The following ACADL variants were observed in gnomAD, a reference collection of about 807,000 sequenced individuals.
ACADL encodes the protein acyl-CoA dehydrogenase long chain, also known as long-chain specific acyl-CoA dehydrogenase, mitochondrial.
ACADL carries 60 observed loss-of-function variants against 56.9 expected under a neutral mutation model. The observed-to-expected ratio is 1.05, with a 90% confidence interval of 0.86 to 1.31. The LOEUF is 1.31. Ranked by LOEUF, ACADL falls within the 50% of genes most tolerant of loss-of-function variation. ACADL has a pLI of 0.00. For synonymous variants in ACADL, 158 were observed against 179.7 expected (o/e 0.88, Z 0.97); for missense variants, 484 against 525.5 (o/e 0.92, Z 0.77).
chr2:210,224,795 G>C, intron 1 of ACADL: 1 of 996,908 alleles, frequency 1.0e-6, no homozygotes, highest in South Asian at 4.6e-5. Context: ...GACACAGATC[G>C]CAGCCCGCGC....
intron 8 of ACADL, among the ~76,000 whole-genome samples, chr2:210,196,284 T>A (rs1688709778): frequency 6.6e-6 from 1 of 151,232 alleles, no homozygotes; most frequent in Non-Finnish European, 1.5e-5. Context: ...TTTAATAAAT[T>A]ACCCAGTCTC....
At chr2:210,218,736 T>A (rs1470654768) in intron 2 of ACADL, among the ~76,000 whole-genome samples, 1 of 152,196 alleles carries the variant, frequency 6.6e-6, no homozygotes, top group Non-Finnish European at 1.5e-5. Context: ...TCATGGGAAT[T>A]TGCCTAACCT....
intron 3 of ACADL, 92 bp downstream of exon 3, chr2:210,217,873 A>G (rs1689112987): frequency 4.0e-6 from 6 of 1,483,746 alleles, no homozygotes; most frequent in Admixed American, 3.4e-5. Context: ...ATTAGAAAAC[A>G]TTTGTTTGTT....
At chr2:210,216,765 A>G (rs1689094093) in intron 3 of ACADL, 1 of 426,890 alleles carries the variant, frequency 2.3e-6, no homozygotes, top group Admixed American at 3.5e-5. Context: ...TAAAATATGA[A>G]TCACCTGCAG....
chr2:210,216,298 G>C, intron 4 of ACADL, 49 bp downstream of exon 4: 1 of 1,601,356 alleles, frequency 6.2e-7, no homozygotes, highest in Non-Finnish European at 8.5e-7. Flanking sequence ...CTAAGAAAAT[G>C]TTAAGGCACT....
chr2:210,196,520 G>A (rs1295308388), intron 8 of ACADL, among the ~76,000 whole-genome samples: 3 of 152,102 alleles, frequency 2.0e-5, no homozygotes, highest in Non-Finnish European at 4.4e-5. Flanking sequence ...CTTCAATCAA[G>A]CTTTATTTCA....
At chr2:210,206,433 G>GA (rs951068710) in intron 5 of ACADL, among the ~76,000 whole-genome samples, 2 of 151,354 alleles carry the variant, frequency 1.3e-5, no homozygotes, top group African/African-American at 2.4e-5. Flanking sequence ...CCTGTCTCTA[G>GA]AAAAAAAGAA....
chr2:210,217,783 A>G (rs1689111257), intron 3 of ACADL, 182 bp downstream of exon 3: 5 of 700,914 alleles, frequency 7.1e-6, no homozygotes, highest in Non-Finnish European at 1.2e-5. Context: ...TTTTCTTATT[A>G]TCCCACATTC....
At chr2:210,210,973 A>AT (rs1417252517) in intron 4 of ACADL, among the ~76,000 whole-genome samples, 2 of 152,030 alleles carry the variant, frequency 1.3e-5, no homozygotes, top group East Asian at 1.9e-4. Flanking sequence ...CTCAAATGCC[A>AT]TTTTTTTCTA....
At chr2:210,189,681 C>T (rs1688601105) in intron 10 of ACADL, among the ~76,000 whole-genome samples, 1 of 151,990 alleles carries the variant, frequency 6.6e-6, no homozygotes, top group African/African-American at 2.4e-5. Context: ...ACCCAAATAT[C>T]ATAAGTTCAC....
At chr2:210,210,378 G>T in intron 4 of ACADL, 116 bp from the exon 5 acceptor site, 1 of 753,964 alleles carries the variant, frequency 1.3e-6, no homozygotes, top group Non-Finnish European at 2.2e-6. Context: ...TTATAAAATT[G>T]CTGAGTATTA....
chr2:210,212,744 A>G (rs1689006305), intron 4 of ACADL, among the ~76,000 whole-genome samples: 1 of 152,248 alleles, frequency 6.6e-6, no homozygotes, highest in South Asian at 2.1e-4. Flanking sequence ...TGGTGTATCA[A>G]GATCATATTT....
Position 210,188,874 on chromosome 2 carries a change from G to A in ACADL, c.*87C>T. The stretch of plus-strand genomic sequence containing the variant: ...GAGAGCAGGTAAAAACATGTTTAGT[G>A]TTTCCTCGCTTTCCAAGTTACATTT... On this transcript the variant is annotated 3_prime_UTR_variant, in exon 11 of 11. Coordinates refer to ENST00000233710, the MANE Select transcript of ACADL (RefSeq NM_001608.4). The A allele has an allele frequency of 2.1e-6, 2 of 945,694 alleles. No individual in the cohort carries two copies. The allele number at this position is 945,694 out of a possible 1,614,324, so 58.6% of individuals were successfully genotyped here.
intron 10 of ACADL, among the ~76,000 whole-genome samples, chr2:210,190,065 G>C (rs999299322): frequency 6.6e-6 from 1 of 150,988 alleles, no homozygotes; most frequent in Non-Finnish European, 1.5e-5. Flanking sequence ...TTGGTGTTTT[G>C]TTTTGTTTAA....
intron 8 of ACADL, among the ~76,000 whole-genome samples, chr2:210,196,416 G>A (rs1688711968): frequency 6.6e-6 from 1 of 152,030 alleles, no homozygotes; most frequent in Non-Finnish European, 1.5e-5. Flanking sequence ...ATATAGCTAT[G>A]TACCTACCTC....
At chr2:210,216,209 G>C (rs550066070) in intron 4 of ACADL, 138 bp downstream of exon 4, 1 of 893,476 alleles carries the variant, frequency 1.1e-6, no homozygotes, top group African/African-American at 1.7e-5. Context: ...GTTATTTTCC[G>C]ACTTGAGGTC....
chr2:210,190,524 A>G (rs920330671), intron 10 of ACADL, among the ~76,000 whole-genome samples: 2 of 152,190 alleles, frequency 1.3e-5, no homozygotes, highest in Admixed American at 1.3e-4. Flanking sequence ...TTAACAGTGA[A>G]AGGCGGCAGC....
intron 5 of ACADL, among the ~76,000 whole-genome samples, chr2:210,207,888 C>G (rs541585825): frequency 2.0e-5 from 3 of 152,220 alleles, no homozygotes; most frequent in Admixed American, 2.0e-4. Context: ...ATCTTAAGTG[C>G]TTAGAATTCT....
chr2:210,215,530 C>A (rs1316293802), intron 4 of ACADL, among the ~76,000 whole-genome samples: 1 of 152,150 alleles, frequency 6.6e-6, no homozygotes, highest in Non-Finnish European at 1.5e-5. Context: ...AAATATAATG[C>A]CCAGATTTTC....
Sources: gnomAD v4.1 joint callset for allele counts (sites outside exome capture counted in the v4.1 genomes callset) on GRCh38, gnomAD v4.1.1 for gene constraint, MANE v1.5 for transcripts, NCBI Gene and HGNC (gene_info 2026-07-23, HGNC 2026-07-21) for gene names.